The following ACCSL variants were observed in gnomAD, a reference collection of about 807,000 sequenced individuals.
ACCSL encodes the protein 1-aminocyclopropane-1-carboxylate synthase homolog (inactive) like.
A neutral mutation model predicts 61.7 loss-of-function variants in ACCSL; 55 were observed. The observed-to-expected ratio is 0.89, with a 90% CI of 0.72 to 1.12. ACCSL has a LOEUF of 1.12. ACCSL is among the 50% of genes most tolerant of loss of function. The pLI, the probability that ACCSL is intolerant of heterozygous loss-of-function variation, is 0.00. For synonymous variants in ACCSL, 258 were observed against 264.3 expected (o/e 0.98, Z 0.23); for missense variants, 632 against 698.0 (o/e 0.91, Z 1.07).
the ACCSL span, among the ~76,000 whole-genome samples, chr11:43,976,749 C>T: frequency 6.6e-6 from 1 of 152,176 alleles, no homozygotes; most frequent in Non-Finnish European, 1.5e-5. Flanking sequence ...TCCTGCTCAT[C>T]TCCATTGGCC....
At chr11:44,019,204 C>T in the ACCSL span, among the ~76,000 whole-genome samples, 2 of 152,280 alleles carry the variant, frequency 1.3e-5, no homozygotes, top group East Asian at 1.9e-4. Flanking sequence ...GTTGTTTCCA[C>T]GTTGGGGCTA....
chr11:44,013,224 T>C, the ACCSL span, among the ~76,000 whole-genome samples: 1 of 152,242 alleles, frequency 6.6e-6, no homozygotes, highest in African/African-American at 2.4e-5. Flanking sequence ...CATAAATGGA[T>C]CTGCTTATCT....
the ACCSL span, among the ~76,000 whole-genome samples, chr11:43,936,778 C>T: frequency 6.8e-6 from 1 of 146,530 alleles, no homozygotes; most frequent in Non-Finnish European, 1.5e-5. Context: ...GCCCTAGGGA[C>T]ATCCTGAGGT....
the ACCSL span, among the ~76,000 whole-genome samples, chr11:43,969,403 T>C: frequency 6.6e-6 from 1 of 152,180 alleles, no homozygotes; most frequent in Non-Finnish European, 1.5e-5. Context: ...AATTTTCTTA[T>C]TTTAAACAGC....
At chr11:43,977,302 T>C in the ACCSL span, among the ~76,000 whole-genome samples, 2 of 152,234 alleles carry the variant, frequency 1.3e-5, no homozygotes, top group Admixed American at 6.5e-5. Context: ...AGTTTGCTAA[T>C]CCAGTGACCT....
At chr11:43,974,584 A>G in the ACCSL span, among the ~76,000 whole-genome samples, 1 of 152,160 alleles carries the variant, frequency 6.6e-6, no homozygotes, top group Admixed American at 6.5e-5. Context: ...GGCACCATTC[A>G]ATCCCCAACA....
At chr11:43,949,828 A>AAAC in the ACCSL span, among the ~76,000 whole-genome samples, 57,944 of 150,528 alleles carry the variant, frequency 0.38, 11,442 homozygotes, top group East Asian at 0.67. Flanking sequence ...AAAAACAAAC[A>AAAC]AACAACAACA....
chr11:43,993,191 C>A, the ACCSL span, among the ~76,000 whole-genome samples: 40 of 152,286 alleles, frequency 2.6e-4, no homozygotes, highest in East Asian at 7.3e-3. Flanking sequence ...GCTGAAACAA[C>A]CTGAGCAATT....
chr11:43,932,527 T>C, the ACCSL span, among the ~76,000 whole-genome samples: 1 of 152,214 alleles, frequency 6.6e-6, no homozygotes. Flanking sequence ...CCTTGGCCTT[T>C]CAAAGTGCTG....
chr11:43,963,676 C>T, the ACCSL span, among the ~76,000 whole-genome samples: 52 of 152,210 alleles, frequency 3.4e-4, no homozygotes, highest in African/African-American at 8.0e-4. Context: ...ACCCTAACTA[C>T]GTATTATTCT....
chr11:43,943,812 A>G, the ACCSL span: 4 of 1,302,660 alleles, frequency 3.1e-6, no homozygotes, highest in East Asian at 2.2e-4. This position sits in a 1 kb window ranked among gnomAD's most constrained non-coding sequence, Gnocchi z 4.8. Context: ...TTATTTAACG[A>G]TCTTTTTACC....
chr11:44,049,131 C>A (rs938995109), intron 1 of ACCSL, among the ~76,000 whole-genome samples: 10 of 151,872 alleles, frequency 6.6e-5, no homozygotes, highest in African/African-American at 2.2e-4. Flanking sequence ...AAGATGTTAC[C>A]CTAAGAGGCT....
the ACCSL span, among the ~76,000 whole-genome samples, chr11:43,958,538 A>G: frequency 6.6e-5 from 10 of 152,216 alleles, no homozygotes; most frequent in African/African-American, 2.4e-4. Context: ...CTGCCTCTGC[A>G]TGAATTACTC....
At chr11:44,040,759 G>T in the ACCSL span, among the ~76,000 whole-genome samples, 9,071 of 152,216 alleles carry the variant, frequency 0.06, 497 homozygotes, top group African/African-American at 0.14. Flanking sequence ...GTGATGCCTA[G>T]GGCTCCTGGG....
chr11:43,972,689 G>A, the ACCSL span, among the ~76,000 whole-genome samples: 3 of 152,200 alleles, frequency 2.0e-5, no homozygotes, highest in Admixed American at 6.5e-5. Context: ...ATTTACAGCT[G>A]TCAGGAAAGG....
chr11:43,969,637 C>T, the ACCSL span, among the ~76,000 whole-genome samples: 1 of 151,982 alleles, frequency 6.6e-6, no homozygotes, highest in Non-Finnish European at 1.5e-5. Context: ...CCCGGGTTCC[C>T]AGGGAGCAGC....
chr11:44,005,388 G>T, the ACCSL span, among the ~76,000 whole-genome samples: 3 of 152,132 alleles, frequency 2.0e-5, no homozygotes, highest in African/African-American at 7.2e-5. Context: ...CTGCCTGGGT[G>T]GGGGAGGGGA....
chr11:43,940,582 G>A, the ACCSL span, among the ~76,000 whole-genome samples: 1 of 150,908 alleles, frequency 6.6e-6, no homozygotes, highest in Admixed American at 6.6e-5. Flanking sequence ...GGATGGTCTC[G>A]ATCTCCTGAC....
the ACCSL span, among the ~76,000 whole-genome samples, chr11:44,016,610 A>T: frequency 1.3e-5 from 2 of 152,122 alleles, no homozygotes; most frequent in African/African-American, 4.8e-5. Context: ...GCTCTGGGAA[A>T]AGGGTGGGTG....
Sources: gnomAD v4.1 joint callset for allele counts (sites outside exome capture counted in the v4.1 genomes callset) on GRCh38, gnomAD v4.1.1 for gene constraint, Gnocchi (gnomAD v3.1) non-coding constraint, MANE v1.5 for transcripts, NCBI Gene and HGNC (gene_info 2026-07-23, HGNC 2026-07-21) for gene names.